ATXN10: variants seen among roughly 807,000 people sequenced by gnomAD.
ATXN10 encodes the protein ataxin 10.
ATXN10 carries 28 observed loss-of-function variants against 52.9 expected under a neutral mutation model. The observed-to-expected ratio is 0.53, with a 90% CI of 0.39 to 0.73. The LOEUF (loss-of-function observed/expected upper bound fraction) is 0.73, where lower values mean the gene tolerates loss of function less well. Ranked by LOEUF, ATXN10 falls within the 30% of genes least tolerant of loss-of-function variation. ATXN10 has a pLI of 0.00. For missense variants in ATXN10, 565 were observed against 577.0 expected (o/e 0.98, Z 0.21); for synonymous variants, 226 against 221.5 (o/e 1.02, Z -0.18).
At chr22:45,785,161 A>T (rs551569086) in intron 9 of ATXN10, among the ~76,000 whole-genome samples, 1 of 152,292 alleles carries the variant, frequency 6.6e-6, no homozygotes, top group East Asian at 1.9e-4. Context: ...CCTTTCTGGT[A>T]TTGTTGCTCT....
chr22:45,686,802 G>C (rs1923158117), intron 1 of ATXN10, among the ~76,000 whole-genome samples: 2 of 135,672 alleles, frequency 1.5e-5, no homozygotes, highest in African/African-American at 2.9e-5. Context: ...CTGGGCAACA[G>C]AGCAAGACTC....
Position 45,828,743 on chromosome 22 carries a change from T to G in ATXN10, c.1238-14248T>G, listed in dbSNP as rs954852093. Among the ~76,000 whole-genome samples, 1 of 152,148 alleles carries G rather than the reference T, an allele frequency of 6.6e-6. No individual in the cohort carries two copies. The highest frequency in any genetic ancestry group is 6.5e-5 in the Admixed American group (1 of 15,274). On this transcript the variant is annotated intron_variant, in intron 10 of 11. Transcript: ENST00000252934. The surrounding 1 kb of genome is among the most constrained non-coding windows in gnomAD (Gnocchi z 4.5). ...TATAGTAAGTACTATAAGTTACTAG[T>G]TATAGTAAGACAATTAAATCAGCAA...
intron 1 of ATXN10, among the ~76,000 whole-genome samples, chr22:45,685,881 C>T (rs1468211851): frequency 1.3e-5 from 2 of 152,144 alleles, no homozygotes; most frequent in South Asian, 2.1e-4. Context: ...ACATCTAAAA[C>T]ATGTTCTTTG....
At chr22:45,803,721 GTACTT>G (rs575118939) in intron 9 of ATXN10, among the ~76,000 whole-genome samples, 46 of 152,146 alleles carry the variant, frequency 3.0e-4, no homozygotes, top group African/African-American at 8.2e-4. Flanking sequence ...TTTACTGTAC[GTACTT>G]TACTTTACGT....
At position 45,824,865 on chromosome 22, in the gene ATXN10, A is replaced by G. The variant is rs565373755; in HGVS notation, c.1237+17843A>G. Among the ~76,000 whole-genome samples the G allele has an allele frequency of 2.0e-5, 3 of 152,346 alleles. No homozygotes were observed. The highest frequency in any genetic ancestry group is 7.2e-5 in the African/African-American group (3 of 41,592). ...TTTGTGTGGGAGAGGGTTCAGGGAA[A>G]TTCATGGGTAGGAGGTCCCAGGAAT... On this transcript the variant is annotated intron_variant, in intron 10 of 11. Transcript: ENST00000252934. This position sits in a 1 kb window ranked among gnomAD's most constrained non-coding sequence, Gnocchi z 5.2.
chr22:45,672,658 T>C, intron 1 of ATXN10: 1 of 152,684 alleles, frequency 6.5e-6, no homozygotes, highest in Non-Finnish European at 1.5e-5. Flanking sequence ...TCCTTTCTCC[T>C]CGGCGTTAGA....
At position 45,769,130 on chromosome 22, in the gene ATXN10, T is replaced by C. The variant is rs1011757403; in HGVS notation, c.1173+28592T>C. On this transcript the variant is annotated intron_variant, in intron 9 of 11. Coordinates refer to ENST00000252934, the MANE Select transcript of ATXN10 (RefSeq NM_013236.4). This position sits in a 1 kb window ranked among gnomAD's most constrained non-coding sequence, Gnocchi z 4.2. ...CTCTCTCTGTACTTTGTGGTGTGTT[T>C]GGAAATTTTCATTTAAAAAAATGGT... 6.6e-6 allele frequency among the ~76,000 whole-genome samples: 1 copy of C among 152,142 alleles called. No homozygotes were observed. The highest frequency in any genetic ancestry group is 1.5e-5 in the Non-Finnish European group (1 of 68,022).
At chr22:45,674,586 C>T (rs1601581995) in intron 1 of ATXN10, 1 of 152,178 alleles carries the variant, frequency 6.6e-6, no homozygotes, top group Non-Finnish European at 1.5e-5. Context: ...TTGGGGGTCT[C>T]CTCTTCAGAG....
intron 7 of ATXN10, among the ~76,000 whole-genome samples, chr22:45,735,137 C>G (rs1925243277): frequency 6.6e-6 from 1 of 152,022 alleles, no homozygotes; most frequent in African/African-American, 2.4e-5. Context: ...CCTCGGGCTC[C>G]CAAAGTGCTA....
chr22:45,727,137 A>G lies in ATXN10; in HGVS notation c.729-2288A>G, dbSNP rs1236512224. On this transcript the variant is annotated intron_variant, in intron 6 of 11. Coordinates refer to ENST00000252934, the MANE Select transcript of ATXN10 (RefSeq NM_013236.4). This position sits in a 1 kb window ranked among gnomAD's most constrained non-coding sequence, Gnocchi z 4.6. ...AGTTTTGATAAATTATATCTCTGTTATCATTTATTTTGAATAACTTTTAAA... is the reference window on the plus strand; with the variant it reads ...AGTTTTGATAAATTATATCTCTGTTGTCATTTATTTTGAATAACTTTTAAA... Among the ~76,000 whole-genome samples the G allele has an allele frequency of 6.6e-6, 1 of 152,108 alleles. No individual in the cohort carries two copies. Among genetic ancestry groups the G allele is most frequent in the Non-Finnish European group, 1.5e-5 (1 of 68,004 alleles).
chr22:45,721,512 A>G (rs1297418907), intron 6 of ATXN10, among the ~76,000 whole-genome samples: 1 of 152,224 alleles, frequency 6.6e-6, no homozygotes, highest in Non-Finnish European at 1.5e-5. Flanking sequence ...CTTTGGCATC[A>G]GAAAGAGTTC....
At chr22:45,817,605 G>A (rs1014576960) in intron 10 of ATXN10, among the ~76,000 whole-genome samples, 2 of 151,900 alleles carry the variant, frequency 1.3e-5, no homozygotes, top group African/African-American at 2.4e-5. Context: ...GATTACAGGC[G>A]TGAGCCACCC....
Position 45,728,339 on chromosome 22 carries a change from G to A in ATXN10, c.729-1086G>A, listed in dbSNP as rs900829245. On this transcript the variant is annotated intron_variant, in intron 6 of 11. Transcript: ENST00000252934. The surrounding 1 kb of genome is among the most constrained non-coding windows in gnomAD (Gnocchi z 4.3). ...AATACTGTGCTCAACTGAGTGGACC[G>A]TGTATTAGTTTTATTTTGGATTAAT... 7.2e-5 allele frequency among the ~76,000 whole-genome samples: 11 copies of A among 152,114 alleles called. No individual in the cohort carries two copies. The highest frequency in any genetic ancestry group is 2.4e-4 in the African/African-American group (10 of 41,430).
rs1473314514 is a variant in ATXN10 at position 45,705,418 on chromosome 22, C to G, written c.647+2571C>G. ...AAGGGTTTTGGTTACTAATTCAAAC[C>G]TGTTACTTGTTACAGGTCTTGGTTT... On this transcript the variant is annotated intron_variant, in intron 5 of 11. Transcript: ENST00000252934. This position sits in a 1 kb window ranked among gnomAD's most constrained non-coding sequence, Gnocchi z 5.2. Among the ~76,000 whole-genome samples the G allele has an allele frequency of 1.3e-5, 2 of 151,580 alleles. No homozygotes were observed. Among genetic ancestry groups the G allele is most frequent in the Non-Finnish European group, 2.9e-5 (2 of 67,912 alleles).
intron 1 of ATXN10, chr22:45,675,364 G>A (rs1281893853): frequency 1.3e-5 from 2 of 152,222 alleles, no homozygotes; most frequent in East Asian, 3.8e-4. Flanking sequence ...AAGAGGAGGA[G>A]GTTAATTCTT....
intron 5 of ATXN10, among the ~76,000 whole-genome samples, chr22:45,711,132 A>G (rs981910910): frequency 4.6e-5 from 7 of 152,218 alleles, no homozygotes; most frequent in African/African-American, 1.2e-4. Flanking sequence ...ATGTCTACCC[A>G]AAACCCCAGT....
Position 45,681,282 on chromosome 22 carries a change from C to G in ATXN10, c.117-8430C>G, listed in dbSNP as rs971353136. Among the ~76,000 whole-genome samples the G allele has an allele frequency of 1.3e-5, 2 of 152,142 alleles. No homozygotes were observed. The highest frequency in any genetic ancestry group is 6.5e-5 in the Admixed American group (1 of 15,276). ...TCCCTTAGTGAGCTTGACCTCCATCCCATCTCAGACACACATTGCCATACC... is the reference window on the plus strand; with the variant it reads ...TCCCTTAGTGAGCTTGACCTCCATCGCATCTCAGACACACATTGCCATACC... On this transcript the variant is annotated intron_variant, in intron 1 of 11. Transcript: ENST00000252934. This position sits in a 1 kb window ranked among gnomAD's most constrained non-coding sequence, Gnocchi z 4.2.
chr22:45,741,347 A>G (rs530814551), intron 9 of ATXN10, among the ~76,000 whole-genome samples: 13 of 152,280 alleles, frequency 8.5e-5, no homozygotes, highest in East Asian at 1.9e-4. Context: ...ATGTGATCCT[A>G]TACCATTTGT....
chr22:45,821,565 A>G (rs1016715986), intron 10 of ATXN10, among the ~76,000 whole-genome samples: 5 of 152,186 alleles, frequency 3.3e-5, no homozygotes, highest in African/African-American at 7.2e-5. Context: ...TATATCCAGG[A>G]TAAAAATTAT....
Sources: allele counts gnomAD v4.1 joint callset (sites outside exome capture counted in the v4.1 genomes callset), GRCh38; gene constraint gnomAD v4.1.1; non-coding constraint Gnocchi (gnomAD v3.1); transcripts MANE v1.5; gene names NCBI Gene and HGNC (gene_info 2026-07-23, HGNC 2026-07-21).